DPYS: variants seen among roughly 807,000 people sequenced by gnomAD.
DPYS encodes the protein dihydropyrimidinase.
A neutral mutation model predicts 50.3 loss-of-function variants in DPYS; 39 were observed. The ratio of observed to expected loss-of-function variants is 0.78; its 90% CI spans 0.60 to 1.01. The LOEUF is 1.01. Among genes scored for constraint, DPYS ranks in the 50% least tolerant of loss-of-function variants. The pLI is 0.00. For missense variants in DPYS, 659 were observed against 680.9 expected, an observed-to-expected ratio of 0.97 and a Z score of 0.36; for synonymous variants, 245 against 250.7, an observed-to-expected ratio of 0.98 and a Z score of 0.22.
intron 7 of DPYS, among the ~76,000 whole-genome samples, chr8:104,396,466 A>T (rs1026416911): frequency 3.3e-5 from 5 of 152,198 alleles, no homozygotes; most frequent in African/African-American, 1.2e-4. Flanking sequence ...ATGTTGCCTA[A>T]ACTATTTAAA....
chr8:104,415,308 A>G (rs1022039436), intron 7 of DPYS, among the ~76,000 whole-genome samples: 4 of 152,232 alleles, frequency 2.6e-5, no homozygotes, highest in Non-Finnish European at 4.4e-5. Context: ...TTTTTGCCCA[A>G]TGCTAATGCT....
chr8:104,398,226 G>C (rs1433576079), intron 7 of DPYS, among the ~76,000 whole-genome samples: 1 of 152,240 alleles, frequency 6.6e-6, no homozygotes, highest in African/African-American at 2.4e-5. Flanking sequence ...TGGTGACACA[G>C]GAAGCAGCTA....
chr8:104,423,797 A>G (rs1291251586), intron 7 of DPYS, among the ~76,000 whole-genome samples: 1 of 152,234 alleles, frequency 6.6e-6, no homozygotes, highest in Non-Finnish European at 1.5e-5. Flanking sequence ...TAGGCTGAAG[A>G]TGAACTCAAC....
intron 6 of DPYS, among the ~76,000 whole-genome samples, chr8:104,425,118 C>G (rs1164911743): frequency 6.6e-6 from 1 of 152,144 alleles, no homozygotes; most frequent in Non-Finnish European, 1.5e-5. Flanking sequence ...GCGTGAGCCA[C>G]TGCACCCAGC....
At chr8:104,450,911 G>A (rs1033325586) in intron 2 of DPYS, among the ~76,000 whole-genome samples, 1 of 152,068 alleles carries the variant, frequency 6.6e-6, no homozygotes, top group African/African-American at 2.4e-5. Context: ...AGATTCGGGG[G>A]ATATTGAATT....
intron 7 of DPYS, among the ~76,000 whole-genome samples, chr8:104,423,510 A>C (rs979668863): frequency 2.6e-5 from 4 of 152,216 alleles, no homozygotes; most frequent in Admixed American, 1.3e-4. Context: ...CAGACTTTGA[A>C]CAAATGCCTG....
rs897020396 is a variant in DPYS, at chr8:104,439,067, A to T, written c.793+5181T>A. 7.3e-5 allele frequency among the ~76,000 whole-genome samples: 11 copies of T among 151,386 alleles called. No individual in the cohort carries two copies. In the East Asian group the frequency reaches 1.9e-3, roughly 27 times the overall value. On this transcript the variant is annotated intron_variant, in intron 4 of 9. Transcript: ENST00000351513. The stretch of plus-strand genomic sequence containing the variant: ...CTGTGAGATCCTGCCTCTTAAATAA[A>T]AAAAAAAAAAGGAATACCTAAAACA...
At chr8:104,423,375 T>C (rs1812610731) in intron 7 of DPYS, among the ~76,000 whole-genome samples, 2 of 152,156 alleles carry the variant, frequency 1.3e-5, no homozygotes, top group African/African-American at 4.8e-5. Context: ...GATGGTACCT[T>C]AGTGTTTCAA....
At chr8:104,426,104 TG>T (rs966294247) in intron 6 of DPYS, among the ~76,000 whole-genome samples, 11 of 152,020 alleles carry the variant, frequency 7.2e-5, no homozygotes, top group Non-Finnish European at 1.3e-4. Flanking sequence ...TCATCTGGGA[TG>T]GTTAGAGTTA....
At chr8:104,434,188 G>A (rs1299243878) in intron 4 of DPYS, among the ~76,000 whole-genome samples, 1 of 152,120 alleles carries the variant, frequency 6.6e-6, no homozygotes, top group Non-Finnish European at 1.5e-5. Flanking sequence ...ATTGGCAATT[G>A]GTTGAAAAAG....
chr8:104,418,444 G>A (rs1210976204), intron 7 of DPYS, among the ~76,000 whole-genome samples: 2 of 152,072 alleles, frequency 1.3e-5, no homozygotes, highest in East Asian at 1.9e-4. Context: ...AAAAAAAACC[G>A]TATAGATATA....
At chr8:104,409,982 G>A (rs1812119793) in intron 7 of DPYS, among the ~76,000 whole-genome samples, 1 of 152,072 alleles carries the variant, frequency 6.6e-6, no homozygotes, top group Non-Finnish European at 1.5e-5. Flanking sequence ...AGTTATTTGA[G>A]TTACTTGGGG....
At chr8:104,458,957 C>T (rs746859995) in intron 1 of DPYS, among the ~76,000 whole-genome samples, 9 of 152,164 alleles carry the variant, frequency 5.9e-5, no homozygotes, top group Non-Finnish European at 1.2e-4. Flanking sequence ...AAAATGATTA[C>T]ATTTTGTTTT....
At chr8:104,382,977 T>C (rs1334855714) in intron 8 of DPYS, among the ~76,000 whole-genome samples, 3 of 152,200 alleles carry the variant, frequency 2.0e-5, no homozygotes, top group Non-Finnish European at 4.4e-5. Context: ...CTACTTGCAC[T>C]TTTCAGCTGT....
At chr8:104,384,371 G>A (rs991589617) in intron 8 of DPYS, among the ~76,000 whole-genome samples, 1 of 152,130 alleles carries the variant, frequency 6.6e-6, no homozygotes, top group Non-Finnish European at 1.5e-5. Flanking sequence ...GTCACTTCTG[G>A]CATTGTTCTC....
intron 7 of DPYS, among the ~76,000 whole-genome samples, chr8:104,395,725 G>T (rs188952068): frequency 3.3e-5 from 5 of 152,212 alleles, no homozygotes; most frequent in Admixed American, 3.3e-4. Context: ...TTTCTAAATA[G>T]TTTTTTGATG....
chr8:104,387,731 A>G (rs1418216912), intron 8 of DPYS, among the ~76,000 whole-genome samples: 1 of 152,226 alleles, frequency 6.6e-6, no homozygotes, highest in Non-Finnish European at 1.5e-5. Context: ...TTGGAACATA[A>G]CTGGTGATCA....
intron 3 of DPYS, among the ~76,000 whole-genome samples, chr8:104,445,661 A>T (rs1417514866): frequency 3.3e-5 from 5 of 151,984 alleles, no homozygotes; most frequent in Non-Finnish European, 7.4e-5. Flanking sequence ...AGAGGGGGGA[A>T]GGTAGGGATG....
chr8:104,442,664 T>G (rs1020798585), intron 4 of DPYS, among the ~76,000 whole-genome samples: 1 of 152,244 alleles, frequency 6.6e-6, no homozygotes, highest in Non-Finnish European at 1.5e-5. Context: ...TAAGGCAAGA[T>G]GTTGATGGAT....
Sources: gnomAD v4.1 joint callset for allele counts (sites outside exome capture counted in the v4.1 genomes callset) on GRCh38, gnomAD v4.1.1 for gene constraint, MANE v1.5 for transcripts, NCBI Gene and HGNC (gene_info 2026-07-23, HGNC 2026-07-21) for gene names.